Variants in KIF1B observed in about 807,000 individuals in gnomAD.
The protein encoded by KIF1B is kinesin-like protein KIF1B.
In KIF1B, 76 loss-of-function variants were observed where a neutral mutation model predicts 241.9. That is an observed-to-expected ratio of 0.31 (90% CI 0.26 to 0.38). The LOEUF (loss-of-function observed/expected upper bound fraction) is 0.38, where lower values mean the gene tolerates loss of function less well. KIF1B is among the 10% of genes least tolerant of loss of function. The pLI is 1.00. For missense variants in KIF1B, 1,622 were observed against 2,271.4 expected, an observed-to-expected ratio of 0.71 and a Z score of 5.81; for synonymous variants, 750 against 796.7, an observed-to-expected ratio of 0.94 and a Z score of 0.99.
At chr1:10,228,025 T>A (rs1646932388) in intron 1 of KIF1B, among the ~76,000 whole-genome samples, 1 of 150,778 alleles carries the variant, frequency 6.6e-6, no homozygotes, top group South Asian at 2.1e-4. Context: ...TCTCTACTAA[T>A]AATACAAAAA....
At chr1:10,241,343 A>T (rs1365395638) in intron 2 of KIF1B, among the ~76,000 whole-genome samples, 2 of 152,020 alleles carry the variant, frequency 1.3e-5, no homozygotes, top group Non-Finnish European at 2.9e-5. Context: ...GGCTGAAGGG[A>T]TCCTCCTGCC....
chr1:10,284,232 C>G (rs1345776387), intron 15 of KIF1B, among the ~76,000 whole-genome samples: 1 of 151,984 alleles, frequency 6.6e-6, no homozygotes, highest in East Asian at 1.9e-4. Flanking sequence ...GAGCAAGACT[C>G]TATCTCAAAA....
intron 2 of KIF1B, among the ~76,000 whole-genome samples, chr1:10,253,569 G>A (rs1460178142): frequency 1.3e-5 from 2 of 152,150 alleles, no homozygotes; most frequent in Non-Finnish European, 2.9e-5. Flanking sequence ...CTGGAGCCCA[G>A]GAGGTTGAGT....
At chr1:10,324,666 TGAA>T in intron 25 of KIF1B, 89 bp from the exon 26 acceptor site, 3 of 1,445,546 alleles carry the variant, frequency 2.1e-6, no homozygotes, top group Admixed American at 1.8e-5. Context: ...TTTTTTTTTT[TGAA>T]GAAAATCTTG....
intron 2 of KIF1B, among the ~76,000 whole-genome samples, chr1:10,248,980 G>T (rs1228978300): frequency 6.6e-6 from 1 of 152,142 alleles, no homozygotes; most frequent in Non-Finnish European, 1.5e-5. Flanking sequence ...ATTATAGGAA[G>T]TAAAACAATA....
intron 2 of KIF1B, among the ~76,000 whole-genome samples, chr1:10,254,147 T>C (rs1017592407): frequency 4.6e-5 from 7 of 152,208 alleles, no homozygotes; most frequent in African/African-American, 1.7e-4. Context: ...TGTGTATGAG[T>C]GAGGGAGAAA....
At position 10,378,178 on chromosome 1, in the gene KIF1B, C is replaced by A; in HGVS notation, c.*1591C>A. 1.6e-6 allele frequency: 1 copy of A among 617,976 alleles called. No individual in the cohort carries two copies. The highest frequency in any genetic ancestry group is 1.9e-5 in the South Asian group (1 of 51,630). 38.3% of individuals were successfully genotyped at this position (617,976 alleles called of 1,614,324 possible). On this transcript the variant is annotated 3_prime_UTR_variant, in exon 49 of 49. Transcript: ENST00000676179. The stretch of plus-strand genomic sequence containing the variant: ...ATTAAAACTAACCGTGACCACTACT[C>A]CAAACAAAACACAATATGCCTAGGG...
chr1:10,348,541 T>A (rs1204996752), intron 36 of KIF1B, 108 bp from the exon 37 acceptor site: 1 of 801,700 alleles, frequency 1.2e-6, no homozygotes, highest in Non-Finnish European at 2.2e-6. Flanking sequence ...TTTCCACACC[T>A]CTCCTTCCTG....
At chr1:10,227,666 G>A (rs921786745) in intron 1 of KIF1B, 2 of 152,726 alleles carry the variant, frequency 1.3e-5, no homozygotes, top group Admixed American at 1.3e-4. Context: ...AAATTAACCT[G>A]GTGGTGTGTT....
intron 1 of KIF1B, among the ~76,000 whole-genome samples, chr1:10,220,751 CTCCCAGGT>C (rs1425962941): frequency 6.6e-6 from 1 of 152,174 alleles, no homozygotes; most frequent in Non-Finnish European, 1.5e-5. Flanking sequence ...CAACCTCCGC[CTCCCAGGT>C]TCAAGCTATT....
chr1:10,282,278 C>T lies in KIF1B; in HGVS notation c.1223-44C>T, dbSNP rs571457735. The T allele has an allele frequency of 4.7e-6, 7 of 1,488,236 alleles. No individual in the cohort carries two copies. The African/African-American group carries it at 6.9e-5, about 15-fold the overall frequency. The allele number at this position is 1,488,236 out of a possible 1,614,324, so 92.2% of individuals were successfully genotyped here. A position where few individuals can be genotyped will look rare whatever the true frequency, so the allele number is the denominator to read the frequency against. ...CTTTTTTTCTTCCTCTGCTTCTTTC[C>T]CTTTTCCCTACTTTTCCTGCCTTCT... On this transcript the variant is annotated intron_variant, in intron 14 of 48. Transcript: ENST00000676179.
At chr1:10,315,250 T>C (rs1483782539) in intron 22 of KIF1B, among the ~76,000 whole-genome samples, 1 of 138,608 alleles carries the variant, frequency 7.2e-6, no homozygotes, top group African/African-American at 2.8e-5. Flanking sequence ...CAATCTCAGC[T>C]CACTGCAAAC....
At chr1:10,345,488 G>C (rs1652554520) in intron 34 of KIF1B, 1 of 309,592 alleles carries the variant, frequency 3.2e-6, no homozygotes, top group Admixed American at 4.8e-5. Flanking sequence ...GGCTTTCCAA[G>C]CATTGTCTCT....
chr1:10,295,760 G>T lies in KIF1B; in HGVS notation c.1771G>T (p.Gly591Trp). The T allele has an allele frequency of 6.2e-7, 1 of 1,612,514 alleles. No homozygotes were observed. The highest frequency in any genetic ancestry group is 1.1e-5 in the South Asian group (1 of 90,996). ...CTTCCGGAGTGAGAGAAGCAACAGCGGGGAAGGTGAGCATTCCTGGCTGGA... is the reference window on the plus strand; with the variant it reads ...CTTCCGGAGTGAGAGAAGCAACAGCTGGGAAGGTGAGCATTCCTGGCTGGA... ...CIFRSERSNS[G>W]EVIVTLEPCE... Residue 591 changes from glycine to tryptophan, a missense_variant, in exon 19 of 49, where the codon GGG becomes TGG. Gly to Trp is a radical substitution (Grantham distance 184, BLOSUM62 -2). Coordinates refer to ENST00000676179, the MANE Select transcript of KIF1B (RefSeq NM_001365951.3).
chr1:10,299,634 C>T (rs577288087), intron 22 of KIF1B, among the ~76,000 whole-genome samples: 1 of 152,210 alleles, frequency 6.6e-6, no homozygotes, highest in East Asian at 1.9e-4. Context: ...TGCATAATGT[C>T]AGCATTAAAC....
chr1:10,268,048 G>T, intron 6 of KIF1B, 104 bp from the exon 7 acceptor site: 1 of 780,102 alleles, frequency 1.3e-6, no homozygotes, highest in South Asian at 1.5e-5. Flanking sequence ...ATAAGTTTAA[G>T]ACTATTGCTT....
At chr1:10,219,316 C>T (rs139184561) in intron 1 of KIF1B, among the ~76,000 whole-genome samples, 4,644 of 151,270 alleles carry the variant, frequency 0.031, 230 homozygotes, top group African/African-American at 0.11. Flanking sequence ...CAAATTTAGC[C>T]GGGCATGGTG....
At chr1:10,300,264 T>C (rs1650473894) in intron 22 of KIF1B, among the ~76,000 whole-genome samples, 1 of 148,570 alleles carries the variant, frequency 6.7e-6, no homozygotes, top group African/African-American at 2.5e-5. Flanking sequence ...ATAATAATAA[T>C]AATATAGATA....
chr1:10,319,100 ATCCTTTTTTTTTT>A (rs371900627), intron 22 of KIF1B, among the ~76,000 whole-genome samples: 2,629 of 149,276 alleles, frequency 0.018, 70 homozygotes, highest in African/African-American at 0.06. Flanking sequence ...TATTACAATA[ATCCTTTTTTTTTT>A]TTTTTTTGAG....
Sources: gnomAD v4.1 joint callset for allele counts (sites outside exome capture counted in the v4.1 genomes callset) on GRCh38, gnomAD v4.1.1 for gene constraint, MANE v1.5 for transcripts, NCBI Gene and HGNC (gene_info 2026-07-23, HGNC 2026-07-21) for gene names.